Variants in STAU2 observed in about 807,000 individuals in gnomAD.
The protein encoded by STAU2 is double-stranded RNA-binding protein Staufen homolog 2.
Under a neutral mutation model 65.9 loss-of-function variants are expected in STAU2, and 20 were observed. The observed-to-expected ratio is 0.30, with a 90% CI of 0.21 to 0.44. The LOEUF is 0.44. STAU2 is among the 20% of genes least tolerant of loss of function. STAU2 has a pLI of 1.00. For synonymous variants in STAU2, 232 were observed against 233.9 expected (o/e 0.99, Z 0.07); for missense variants, 558 against 683.9 (o/e 0.82, Z 2.05).
chr8:73,721,308 A>G lies in STAU2; in HGVS notation c.-17-12146T>C, dbSNP rs1010813392. Reference sequence around the variant, plus strand: ...CCTCCAAAAAAAAAAAAAAAAAAAAAAAAAAAAGTCCTTTATGGCCCAAAA... The same window carrying G: ...CCTCCAAAAAAAAAAAAAAAAAAAAGAAAAAAAGTCCTTTATGGCCCAAAA... On this transcript the variant is annotated intron_variant, in intron 3 of 14. Transcript: ENST00000524300. Among the ~76,000 whole-genome samples, 1,051 of 149,558 alleles carry G rather than the reference A, an allele frequency of 7.0e-3. 23 individuals are homozygous for G. Among genetic ancestry groups the G allele is most frequent in the Non-Finnish European group, 0.013 (847 of 67,016 alleles).
chr8:73,460,784 C>A (rs891525933), intron 13 of STAU2, among the ~76,000 whole-genome samples: 15 of 152,166 alleles, frequency 9.9e-5, no homozygotes, highest in African/African-American at 3.6e-4. Flanking sequence ...ATTCTTCAAA[C>A]CAAAGTCACA....
At chr8:73,591,743 T>G (rs1287754738) in intron 11 of STAU2, among the ~76,000 whole-genome samples, 1 of 151,364 alleles carries the variant, frequency 6.6e-6, no homozygotes, top group Non-Finnish European at 1.5e-5. Context: ...AAATCCAAAC[T>G]TATAGTTGGA....
intron 11 of STAU2, among the ~76,000 whole-genome samples, chr8:73,589,047 T>G (rs1586069622): frequency 6.6e-6 from 1 of 152,078 alleles, no homozygotes; most frequent in Non-Finnish European, 1.5e-5. Context: ...AGAAGAGACC[T>G]CTAAACCTGA....
At chr8:73,474,077 G>A (rs1245053492) in intron 13 of STAU2, among the ~76,000 whole-genome samples, 1 of 152,114 alleles carries the variant, frequency 6.6e-6, no homozygotes, top group Non-Finnish European at 1.5e-5. Flanking sequence ...TGCAAGAGTG[G>A]TTTTTGAACT....
At chr8:73,703,132 G>C (rs966403438) in intron 4 of STAU2, among the ~76,000 whole-genome samples, 1 of 152,114 alleles carries the variant, frequency 6.6e-6, no homozygotes, top group African/African-American at 2.4e-5. Context: ...TTTCATGTTG[G>C]ATTGTAATCC....
intron 9 of STAU2, among the ~76,000 whole-genome samples, chr8:73,613,070 G>A (rs1016731199): frequency 2.6e-5 from 4 of 152,134 alleles, no homozygotes; most frequent in Admixed American, 6.5e-5. Context: ...ATTCTTCTTT[G>A]GCAAGGTATA....
chr8:73,721,444 A>T (rs1821682417), intron 3 of STAU2, among the ~76,000 whole-genome samples: 1 of 152,128 alleles, frequency 6.6e-6, no homozygotes, highest in Admixed American at 6.5e-5. Flanking sequence ...CTTAACAGTT[A>T]CTCAAGTCTA....
intron 2 of STAU2, among the ~76,000 whole-genome samples, chr8:73,738,661 A>C (rs1806613744): frequency 6.6e-6 from 1 of 152,206 alleles, no homozygotes; most frequent in African/African-American, 2.4e-5. Flanking sequence ...ATCTGAACAA[A>C]GCTCCTTCTG....
chr8:73,432,155 T>C (rs1260695156), intron 13 of STAU2, among the ~76,000 whole-genome samples: 1 of 152,266 alleles, frequency 6.6e-6, no homozygotes, highest in African/African-American at 2.4e-5. Flanking sequence ...CTTCATTTTT[T>C]AAGTGTTCAA....
intron 6 of STAU2, among the ~76,000 whole-genome samples, chr8:73,620,150 C>T (rs760863681): frequency 2.0e-5 from 3 of 151,942 alleles, no homozygotes; most frequent in Admixed American, 1.3e-4. Context: ...TGAATAACGC[C>T]GGTCATCTTC....
chr8:73,527,547 T>G, intron 13 of STAU2: 1 of 467,226 alleles, frequency 2.1e-6, no homozygotes, highest in Non-Finnish European at 3.7e-6. Context: ...CAAACAATTT[T>G]GATTTTTCAA....
chr8:73,665,131 G>A (rs114120242), intron 6 of STAU2, among the ~76,000 whole-genome samples: 152 of 151,890 alleles, frequency 1.0e-3, no homozygotes, highest in African/African-American at 3.3e-3. Context: ...TTTCTAATGC[G>A]TCTTTGTTAT....
chr8:73,615,823 A>G (rs545277219), intron 7 of STAU2, 41 bp from the exon 8 acceptor site: 2 of 1,457,414 alleles, frequency 1.4e-6, no homozygotes, highest in South Asian at 1.1e-5. Context: ...TCTTGACATT[A>G]TAACAAACTT....
In STAU2 at chr8:73,709,170, TA is replaced by T; in HGVS notation, c.-17-9del. ...TTTTATCTTGGAGAGAAGCTGTAAA[TA>T]AAAAGGCTATAAAGTTTTTGTGAAG... On this transcript the variant is annotated splice_polypyrimidine_tract_variant and intron_variant, in intron 3 of 14. Coordinates refer to ENST00000524300, the MANE Select transcript of STAU2 (RefSeq NM_001164380.2). 1.3e-6 allele frequency: 2 copies of T among 1,503,572 alleles called. No individual in the cohort carries two copies. Among genetic ancestry groups the T allele is most frequent in the East Asian group, 2.5e-5 (1 of 39,786 alleles). The allele number at this position is 1,503,572 out of a possible 1,614,324, so 93.1% of individuals were successfully genotyped here. A position where few individuals can be genotyped will look rare whatever the true frequency, so the allele number is the denominator to read the frequency against.
intron 5 of STAU2, among the ~76,000 whole-genome samples, chr8:73,687,846 G>C (rs1819044294): frequency 6.6e-6 from 1 of 151,672 alleles, no homozygotes; most frequent in Admixed American, 6.6e-5. Context: ...TGAGTAGCTG[G>C]GACTACAGGC....
intron 12 of STAU2, among the ~76,000 whole-genome samples, chr8:73,558,271 C>T (rs990772505): frequency 2.0e-5 from 3 of 152,268 alleles, no homozygotes; most frequent in South Asian, 4.1e-4. Context: ...GATGGTTGTC[C>T]CTAGATGTTC....
intron 13 of STAU2, among the ~76,000 whole-genome samples, chr8:73,453,174 A>G (rs561036477): frequency 2.6e-5 from 4 of 152,356 alleles, no homozygotes; most frequent in Middle Eastern, 6.8e-3. Context: ...TCTAGATCTC[A>G]CCTCTAAAAT....
intron 6 of STAU2, among the ~76,000 whole-genome samples, chr8:73,635,530 G>T (rs1174237389): frequency 6.6e-6 from 1 of 152,108 alleles, no homozygotes. Flanking sequence ...GGAAATATTA[G>T]AAATAAAAAT....
At chr8:73,627,226 GGGGGGCAGGA>G in intron 6 of STAU2, among the ~76,000 whole-genome samples, 1 of 72,778 alleles carries the variant, frequency 1.4e-5, no homozygotes, top group African/African-American at 5.1e-5. Context: ...GGGGGGGAGG[GGGGGGCAGGA>G]GGGCGGGTTC....
Sources: gnomAD v4.1 joint callset for allele counts (sites outside exome capture counted in the v4.1 genomes callset) on GRCh38, gnomAD v4.1.1 for gene constraint, MANE v1.5 for transcripts, NCBI Gene and HGNC (gene_info 2026-07-23, HGNC 2026-07-21) for gene names.